Variants in IFI44L observed in about 807,000 individuals in gnomAD.
IFI44L encodes interferon-induced protein 44-like.
In IFI44L, 40 loss-of-function variants were observed where a neutral mutation model predicts 39.3. That is an observed-to-expected ratio of 1.02 (90% CI 0.79 to 1.33). The LOEUF (loss-of-function observed/expected upper bound fraction) is 1.33. Ranked by LOEUF, IFI44L falls within the 40% of genes most tolerant of loss-of-function variation. The pLI is 0.00. For synonymous variants in IFI44L, 198 were observed against 182.3 expected (o/e 1.09, Z -0.69); for missense variants, 623 against 549.0 (o/e 1.13, Z -1.35).
intron 1 of IFI44L, chr1:78,627,456 C>T (rs1429878869): frequency 6.6e-6 from 1 of 151,922 alleles, no homozygotes; most frequent in Non-Finnish European, 1.5e-5. Flanking sequence ...ACCTCTGTTC[C>T]AGCCATATAC....
chr1:78,626,563 T>G (rs1192850039), intron 1 of IFI44L: 1 of 152,122 alleles, frequency 6.6e-6, no homozygotes, highest in Non-Finnish European at 1.5e-5. Flanking sequence ...TATGCAGCTA[T>G]GGACACTAGC....
chr1:78,629,142 A>G, intron 3 of IFI44L, 143 bp downstream of exon 3: 1 of 650,042 alleles, frequency 1.5e-6, no homozygotes, highest in Non-Finnish European at 2.7e-6. Context: ...ATAAAATAAC[A>G]AAAGCACTAC....
intron 6 of IFI44L, among the ~76,000 whole-genome samples, chr1:78,637,816 A>G (rs892958831): frequency 5.9e-5 from 9 of 152,160 alleles, no homozygotes; most frequent in Non-Finnish European, 7.4e-5. Context: ...AAAAAATTGT[A>G]TAGTATTCCA....
Position 78,641,077 on chromosome 1 carries a change from G to A in IFI44L, c.1105G>A (p.Asp369Asn). Reference sequence around the variant, plus strand: ...GGATGATTGCAGTGAGGTTCTTCAAGACAACTTTTTAAACATGAGTAGATC... The same window carrying A: ...GGATGATTGCAGTGAGGTTCTTCAAAACAACTTTTTAAACATGAGTAGATC... Reference protein sequence around the residue: ...KVDDCSEVLQDNFLNMSRSMT... With the variant: ...KVDDCSEVLQNNFLNMSRSMT... The change falls in exon 7 of 9, where the codon GAC (aspartate) becomes AAC (asparagine). Residue 369 changes from aspartate to asparagine, a missense_variant. Transcript: ENST00000370751. 6.2e-7 allele frequency: 1 copy of A among 1,612,946 alleles called. No homozygotes were observed. Among genetic ancestry groups the A allele is most frequent in the Non-Finnish European group, 8.5e-7 (1 of 1,179,230 alleles).
chr1:78,624,829 TG>T (rs1557682099), intron 1 of IFI44L, among the ~76,000 whole-genome samples: 1 of 152,200 alleles, frequency 6.6e-6, no homozygotes, highest in African/African-American at 2.4e-5. Flanking sequence ...TATTATATGA[TG>T]TCCTTCATAG....
intron 3 of IFI44L, among the ~76,000 whole-genome samples, chr1:78,629,384 G>A (rs1224749959): frequency 6.6e-6 from 1 of 152,022 alleles, no homozygotes; most frequent in Non-Finnish European, 1.5e-5. Flanking sequence ...TCTCCTTAAT[G>A]TACTTTTAGT....
In IFI44L at chr1:78,643,162, T is replaced by TTTTTTTTTTTTTTTTTTTTTTTTTTTGA. The variant is rs1359225810; in HGVS notation, c.*1353_*1354insTTTTTTTTTTTTTTTTTTTTTTTTTTGA. On this transcript the variant is annotated 3_prime_UTR_variant, in exon 9 of 9. Coordinates refer to ENST00000370751, the MANE Select transcript of IFI44L (RefSeq NM_006820.4). ...ATATTAAGAAAGCAAGAGTTTCTTA[T>TTTTTTTTTTTTTTTTTTTTTTTTTTTGA]GTCCAGTTATGGAATATTTCCTAAA... The TTTTTTTTTTTTTTTTTTTTTTTTTTTGA allele has an allele frequency of 6.6e-6, 1 of 151,832 alleles. No homozygotes were observed. Among genetic ancestry groups the TTTTTTTTTTTTTTTTTTTTTTTTTTTGA allele is most frequent in the Non-Finnish European group, 1.5e-5 (1 of 67,966 alleles). The allele number at this position is 151,832 out of a possible 1,614,324, so 9.4% of individuals were successfully genotyped here.
rs1297814596 is a variant in IFI44L, at chr1:78,628,045, T to C, written c.130T>C (p.Cys44Arg). 4 of 1,613,322 alleles carry C rather than the reference T, an allele frequency of 2.5e-6. No individual in the cohort carries two copies. The highest frequency in any genetic ancestry group is 2.5e-6 in the Non-Finnish European group (3 of 1,179,496). ...TAGCATTGAAGATATGGTTGAAAGA[T>C]GCAGCCGTCAGGGATGTACTATAAC... ...GGSIEDMVERCSRQGCTITMA... is the reference protein window; with the variant it reads ...GGSIEDMVERRSRQGCTITMA... The change falls in exon 2 of 9, where the codon TGC (cysteine) becomes CGC (arginine). Residue 44 changes from cysteine to arginine, a missense_variant. By Grantham distance (180) the Cys-to-Arg change is radical (BLOSUM62 -3). Transcript: ENST00000370751.
chr1:78,644,724 T>G lies in IFI44L; in HGVS notation c.*2915T>G, dbSNP rs921563820. ...CAGCTCAGTCAAAGACACTAAATTCTTCTTAGAAAAATAGTGCTAAGGAGT... is the reference window on the plus strand; with the variant it reads ...CAGCTCAGTCAAAGACACTAAATTCGTCTTAGAAAAATAGTGCTAAGGAGT... On this transcript the variant is annotated 3_prime_UTR_variant, in exon 9 of 9. Transcript: ENST00000370751. 2.6e-5 allele frequency: 4 copies of G among 152,204 alleles called. No homozygotes were observed. Among genetic ancestry groups the G allele is most frequent in the Admixed American group, 2.0e-4 (3 of 15,270 alleles). 9.4% of individuals were successfully genotyped at this position (152,204 alleles called of 1,614,324 possible).
chr1:78,631,691 C>G (rs1652754824), intron 4 of IFI44L: 3 of 152,142 alleles, frequency 2.0e-5, no homozygotes, highest in African/African-American at 4.8e-5. Context: ...AAAGAAAGTT[C>G]TGTTGTGCTT....
At position 78,641,424 on chromosome 1, in the gene IFI44L, A is replaced by T; in HGVS notation, c.1150-11A>T. The T allele has an allele frequency of 6.2e-7, 1 of 1,608,846 alleles. No individual in the cohort carries two copies. Among genetic ancestry groups the T allele is most frequent in the Non-Finnish European group, 8.5e-7 (1 of 1,176,344 alleles). ...TACAGGACTTACACTTTTTAAATAT[A>T]CTTTCCACAGGTCATGAATGTCCAT... On this transcript the variant is annotated splice_polypyrimidine_tract_variant and intron_variant, in intron 7 of 8. Coordinates refer to ENST00000370751, the MANE Select transcript of IFI44L (RefSeq NM_006820.4).
intron 2 of IFI44L, 145 bp from the exon 3 acceptor site, chr1:78,628,806 C>G (rs1383684079): frequency 1.6e-6 from 1 of 609,548 alleles, no homozygotes; most frequent in Admixed American, 3.1e-5. Context: ...TCCTCTTCCT[C>G]TCATGTTGCC....
At chr1:78,624,540 T>C (rs1209165594) in intron 1 of IFI44L, among the ~76,000 whole-genome samples, 1 of 152,158 alleles carries the variant, frequency 6.6e-6, no homozygotes, top group African/African-American at 2.4e-5. Context: ...TTGAGAAGAA[T>C]GTGTATTTTG....
intron 8 of IFI44L, 44 bp from the exon 9 acceptor site, chr1:78,641,731 T>C (rs893308955): frequency 6.2e-7 from 1 of 1,611,206 alleles, no homozygotes; most frequent in African/African-American, 1.3e-5. Context: ...AAAGCTACAT[T>C]AGGATATATG....
intron 5 of IFI44L, chr1:78,635,966 T>TG (rs1652935282): frequency 6.2e-6 from 1 of 160,376 alleles, no homozygotes; most frequent in East Asian, 1.9e-4. Context: ...TCTCTCTCGG[T>TG]CTTTTTTTTT....
chr1:78,643,232 C>T lies in IFI44L; in HGVS notation c.*1423C>T, dbSNP rs925654488. 6.6e-6 allele frequency: 1 copy of T among 151,762 alleles called. No homozygotes were observed. The highest frequency in any genetic ancestry group is 6.6e-5 in the Admixed American group (1 of 15,190). 9.4% of individuals were successfully genotyped at this position (151,762 alleles called of 1,614,324 possible). A position where few individuals can be genotyped will look rare whatever the true frequency, so the allele number is the denominator to read the frequency against. ...TGTGCTCAAGTGAATGTTCAGGAGACACAATTCAGTGGAAGAAATTAAGTC... is the reference window on the plus strand; with the variant it reads ...TGTGCTCAAGTGAATGTTCAGGAGATACAATTCAGTGGAAGAAATTAAGTC... On this transcript the variant is annotated 3_prime_UTR_variant, in exon 9 of 9. Coordinates refer to ENST00000370751, the MANE Select transcript of IFI44L (RefSeq NM_006820.4).
intron 1 of IFI44L, among the ~76,000 whole-genome samples, chr1:78,622,251 T>C (rs1388631151): frequency 6.6e-6 from 1 of 152,170 alleles, no homozygotes; most frequent in Non-Finnish European, 1.5e-5. Context: ...TTGCTGCAAA[T>C]GACATGATTT....
chr1:78,632,600 A>G (rs1466219026), intron 4 of IFI44L, among the ~76,000 whole-genome samples: 1 of 152,202 alleles, frequency 6.6e-6, no homozygotes, highest in Non-Finnish European at 1.5e-5. Context: ...ACTAACCTTT[A>G]AGAAGTTATT....
chr1:78,639,542 T>C (rs1653079276), intron 6 of IFI44L, among the ~76,000 whole-genome samples: 1 of 152,136 alleles, frequency 6.6e-6, no homozygotes, highest in Non-Finnish European at 1.5e-5. Flanking sequence ...ATCTGGGACA[T>C]ATGAAGTAAA....
Sources: allele counts gnomAD v4.1 joint callset (sites outside exome capture counted in the v4.1 genomes callset), GRCh38; gene constraint gnomAD v4.1.1; transcripts MANE v1.5; gene names NCBI Gene and HGNC (gene_info 2026-07-23, HGNC 2026-07-21).